Variants in OPCML observed in about 807,000 individuals in gnomAD.
OPCML encodes opioid-binding protein/cell adhesion molecule.
OPCML carries 13 observed loss-of-function variants against 37.8 expected under a neutral mutation model. That is an observed-to-expected ratio of 0.34 (90% CI 0.22 to 0.55). OPCML has a LOEUF of 0.55. OPCML is among the 20% of genes least tolerant of loss of function. The pLI, the probability that OPCML is intolerant of heterozygous loss-of-function variation, is 0.91. For synonymous variants in OPCML, 176 were observed against 168.8 expected (o/e 1.04, Z -0.33); for missense variants, 341 against 435.6 (o/e 0.78, Z 1.93).
chr11:132,487,525 T>C (rs2096203639), intron 4 of OPCML, among the ~76,000 whole-genome samples: 2 of 152,234 alleles, frequency 1.3e-5, no homozygotes, highest in Admixed American at 1.3e-4. Context: ...CCTCTCTTCA[T>C]GCAGCCTGCT....
chr11:133,203,028 CTGCTGTTACATAGGAGG>C (rs1938869374), intron 1 of OPCML, among the ~76,000 whole-genome samples: 3 of 152,312 alleles, frequency 2.0e-5, no homozygotes, highest in African/African-American at 7.2e-5. Context: ...CTAGCAGTTT[CTGCTGTTACATAGGAGG>C]TGCTGTTATG....
intron 7 of OPCML, among the ~76,000 whole-genome samples, chr11:132,430,905 C>T (rs1482238983): frequency 6.6e-6 from 1 of 152,096 alleles, no homozygotes; most frequent in Non-Finnish European, 1.5e-5. Flanking sequence ...ACACTAAGGA[C>T]AGGATGGGGG....
intron 2 of OPCML, among the ~76,000 whole-genome samples, chr11:132,744,522 G>T (rs953350200): frequency 5.3e-5 from 8 of 152,320 alleles, no homozygotes; most frequent in Middle Eastern, 6.8e-3. Flanking sequence ...GCTGCTGTAA[G>T]CATTGATACA....
intron 1 of OPCML, among the ~76,000 whole-genome samples, chr11:133,519,785 C>T (rs193001768): frequency 5.5e-4 from 84 of 152,304 alleles, no homozygotes; most frequent in African/African-American, 2.0e-3. Flanking sequence ...AATCTACAGG[C>T]ACGTGTGCCT....
chr11:132,860,735 G>C (rs1278373094), intron 2 of OPCML: 1 of 152,124 alleles, frequency 6.6e-6, no homozygotes, highest in African/African-American at 2.4e-5. Flanking sequence ...TGAACGCTTG[G>C]GGACACCAGA....
At chr11:133,321,911 G>A (rs760728210) in intron 1 of OPCML, among the ~76,000 whole-genome samples, 8 of 152,002 alleles carry the variant, frequency 5.3e-5, no homozygotes, top group Non-Finnish European at 1.0e-4. Flanking sequence ...CCTCAAGCAG[G>A]ATGGCATTTG....
At chr11:133,195,425 C>G (rs1029543336) in intron 1 of OPCML, among the ~76,000 whole-genome samples, 2 of 152,276 alleles carry the variant, frequency 1.3e-5, no homozygotes, top group African/African-American at 4.8e-5. Flanking sequence ...TCTGCAAAAC[C>G]CCAGCTTGTC....
chr11:132,777,727 G>A (rs1036018090), intron 2 of OPCML, among the ~76,000 whole-genome samples: 5 of 152,118 alleles, frequency 3.3e-5, no homozygotes, highest in Admixed American at 6.5e-5. Context: ...AGCAGGAGGT[G>A]GAGACAGGAA....
At chr11:133,243,170 G>C (rs1940793891) in intron 1 of OPCML, among the ~76,000 whole-genome samples, 1 of 152,146 alleles carries the variant, frequency 6.6e-6, no homozygotes, top group Non-Finnish European at 1.5e-5. Flanking sequence ...ATATTCTTGA[G>C]AGCAACTGGT....
intron 2 of OPCML, among the ~76,000 whole-genome samples, chr11:132,906,073 T>C (rs543435976): frequency 1.3e-5 from 2 of 152,352 alleles, no homozygotes; most frequent in South Asian, 4.1e-4. Flanking sequence ...GTGACTTTTA[T>C]ACACCATGGT....
intron 1 of OPCML, among the ~76,000 whole-genome samples, chr11:133,508,485 G>A (rs79842093): frequency 0.01 from 1,529 of 152,298 alleles, 28 homozygotes; most frequent in African/African-American, 0.035. Context: ...GGCAGTTTTA[G>A]TGAGGGCCCC....
intron 1 of OPCML, chr11:133,361,613 G>T (rs565880853): frequency 3.7e-4 from 61 of 164,268 alleles, no homozygotes; most frequent in Non-Finnish European, 7.2e-4. Context: ...AGCTACTCCG[G>T]GGCACCTGCA....
intron 3 of OPCML, among the ~76,000 whole-genome samples, chr11:132,595,663 C>T (rs2137736876): frequency 6.6e-6 from 1 of 152,282 alleles, no homozygotes; most frequent in African/African-American, 2.4e-5. Context: ...ACCTGTGCAT[C>T]CAGAACAAAA....
intron 3 of OPCML, among the ~76,000 whole-genome samples, chr11:132,568,881 T>C (rs761919728): frequency 6.6e-6 from 1 of 152,218 alleles, no homozygotes; most frequent in Non-Finnish European, 1.5e-5. Flanking sequence ...AATAAAATCA[T>C]GGATTTTAAT....
intron 1 of OPCML, among the ~76,000 whole-genome samples, chr11:133,157,571 A>T (rs910860113): frequency 2.0e-5 from 3 of 152,048 alleles, no homozygotes; most frequent in Non-Finnish European, 4.4e-5. Context: ...GCTTTTTCTC[A>T]GCTCCCCTCT....
At chr11:133,353,910 AG>A (rs1166949706) in intron 1 of OPCML, among the ~76,000 whole-genome samples, 1 of 152,232 alleles carries the variant, frequency 6.6e-6, no homozygotes, top group Non-Finnish European at 1.5e-5. Flanking sequence ...CATCAAAAAA[AG>A]AAAAAATATA....
At chr11:132,888,096 G>A (rs1943493692) in intron 2 of OPCML, among the ~76,000 whole-genome samples, 1 of 152,162 alleles carries the variant, frequency 6.6e-6, no homozygotes, top group Non-Finnish European at 1.5e-5. Flanking sequence ...AGTGAAGGGG[G>A]AATAAAGAGA....
At chr11:133,138,589 G>C (rs987492460) in intron 1 of OPCML, among the ~76,000 whole-genome samples, 10 of 152,080 alleles carry the variant, frequency 6.6e-5, no homozygotes, top group Non-Finnish European at 1.2e-4. Flanking sequence ...GTAAATCCAT[G>C]GTAATGAACA....
At chr11:133,295,698 G>A (rs143632394) in intron 1 of OPCML, among the ~76,000 whole-genome samples, 2 of 152,196 alleles carry the variant, frequency 1.3e-5, no homozygotes, top group African/African-American at 4.8e-5. Context: ...TTTCATTCTA[G>A]ATGTTCCTTG....
Sources: gnomAD v4.1 joint callset for allele counts (sites outside exome capture counted in the v4.1 genomes callset) on GRCh38, gnomAD v4.1.1 for gene constraint, MANE v1.5 for transcripts, NCBI Gene and HGNC (gene_info 2026-07-23, HGNC 2026-07-21) for gene names.